LRP1B: variants seen among roughly 807,000 people sequenced by gnomAD.
LRP1B encodes the protein LDL receptor related protein 1B, also known as low-density lipoprotein receptor-related protein 1B.
In LRP1B, 217 loss-of-function variants were observed where a neutral mutation model predicts 556.6. The observed-to-expected ratio is 0.39, with a 90% CI of 0.35 to 0.44. LRP1B has a LOEUF of 0.44. Among genes scored for constraint, LRP1B ranks in the 20% least tolerant of loss-of-function variants. The pLI, the probability that LRP1B is intolerant of heterozygous loss-of-function variation, is 1.00. For synonymous variants in LRP1B, 2,047 were observed against 1,865.8 expected (o/e 1.10, Z -2.50); for missense variants, 5,053 against 5,620.8 (o/e 0.90, Z 3.23).
chr2:141,635,319 A>G (rs1689075736), intron 2 of LRP1B, among the ~76,000 whole-genome samples: 1 of 152,150 alleles, frequency 6.6e-6, no homozygotes, highest in Non-Finnish European at 1.5e-5. Context: ...CTAGAGATGG[A>G]ACACAACGGG....
rs1423675243 is a variant in LRP1B, at chr2:140,923,294, T to C, written c.3137-147A>G. 5.1e-6 allele frequency: 3 copies of C among 592,756 alleles called. No homozygotes were observed. The South Asian group carries it at 6.8e-5, about 13-fold the overall frequency. 36.7% of individuals were successfully genotyped at this position (592,756 alleles called of 1,614,324 possible). A position where few individuals can be genotyped will look rare whatever the true frequency, so the allele number is the denominator to read the frequency against. ...AGAGAGAATACATTTTTACTTTAGA[T>C]GGTTAATAAGTATAAATATACTCTA... On this transcript the variant is annotated intron_variant, in intron 20 of 90. Coordinates refer to ENST00000389484, the MANE Select transcript of LRP1B (RefSeq NM_018557.3).
At chr2:140,891,838 C>G (rs889710563) in intron 23 of LRP1B, among the ~76,000 whole-genome samples, 1 of 151,966 alleles carries the variant, frequency 6.6e-6, no homozygotes, top group African/African-American at 2.4e-5. Context: ...TTTTAAGAAC[C>G]AATTTTTTGT....
At chr2:141,115,818 TG>T in intron 7 of LRP1B, among the ~76,000 whole-genome samples, 1 of 152,180 alleles carries the variant, frequency 6.6e-6, no homozygotes, top group African/African-American at 2.4e-5. Flanking sequence ...GGGGTGTGGT[TG>T]GAAGGCTTAT....
At chr2:141,284,025 A>G (rs1038664235) in intron 3 of LRP1B, among the ~76,000 whole-genome samples, 3 of 152,152 alleles carry the variant, frequency 2.0e-5, no homozygotes, top group Non-Finnish European at 4.4e-5. Context: ...AGTTTTACAG[A>G]GTGCAATGTT....
chr2:141,706,438 C>A (rs1692140067), intron 2 of LRP1B, among the ~76,000 whole-genome samples: 1 of 152,040 alleles, frequency 6.6e-6, no homozygotes, highest in Non-Finnish European at 1.5e-5. Context: ...TGTGTTCAAT[C>A]AAATGCATTG....
chr2:140,768,837 A>T (rs1258914328), intron 35 of LRP1B, among the ~76,000 whole-genome samples: 1 of 151,948 alleles, frequency 6.6e-6, no homozygotes, highest in Non-Finnish European at 1.5e-5. Context: ...CACATCCTGA[A>T]TATATTTTAA....
At chr2:140,309,267 C>T (rs1456083831) in intron 83 of LRP1B, among the ~76,000 whole-genome samples, 2 of 151,792 alleles carry the variant, frequency 1.3e-5, no homozygotes, top group Non-Finnish European at 2.9e-5. Flanking sequence ...ATCTAGCTCC[C>T]TCCCAGGTAC....
At chr2:141,362,839 C>T (rs1288197747) in intron 3 of LRP1B, among the ~76,000 whole-genome samples, 1 of 150,274 alleles carries the variant, frequency 6.7e-6, no homozygotes, top group Admixed American at 6.6e-5. Flanking sequence ...AAAAACTTAA[C>T]GTAATGATGT....
At chr2:141,959,044 T>C (rs534851045) in intron 1 of LRP1B, among the ~76,000 whole-genome samples, 1 of 152,172 alleles carries the variant, frequency 6.6e-6, no homozygotes, top group South Asian at 2.1e-4. Context: ...CCTTACCATC[T>C]AACTTTAACA....
chr2:140,646,848 G>C (rs1210324623), intron 41 of LRP1B, among the ~76,000 whole-genome samples: 1 of 151,774 alleles, frequency 6.6e-6, no homozygotes, highest in Non-Finnish European at 1.5e-5. Flanking sequence ...GTATGTAATA[G>C]ACATATGTAC....
chr2:140,777,933 A>T (rs1204089149), intron 32 of LRP1B, among the ~76,000 whole-genome samples: 2 of 152,178 alleles, frequency 1.3e-5, no homozygotes, highest in Non-Finnish European at 2.9e-5. Context: ...AGTAAAAAAA[A>T]GATTAGTAGA....
intron 3 of LRP1B, among the ~76,000 whole-genome samples, chr2:141,326,449 G>A (rs935998012): frequency 5.9e-5 from 9 of 152,016 alleles, no homozygotes; most frequent in African/African-American, 2.2e-4. Flanking sequence ...GAAAGAAAGT[G>A]GAAATGATTA....
chr2:140,250,291 T>A (rs1681352471), intron 86 of LRP1B, among the ~76,000 whole-genome samples: 1 of 151,864 alleles, frequency 6.6e-6, no homozygotes, highest in Admixed American at 6.6e-5. Flanking sequence ...TGTAAATTAT[T>A]TAACGTTTTA....
chr2:141,963,400 G>A (rs1701462813), intron 1 of LRP1B, among the ~76,000 whole-genome samples: 1 of 151,872 alleles, frequency 6.6e-6, no homozygotes, highest in African/African-American at 2.4e-5. Flanking sequence ...CAGCAAGTAA[G>A]AAATTGGCTT....
intron 43 of LRP1B, among the ~76,000 whole-genome samples, chr2:140,578,818 A>C (rs1681641473): frequency 6.6e-6 from 1 of 152,060 alleles, no homozygotes; most frequent in Non-Finnish European, 1.5e-5. Flanking sequence ...ATTACTACCT[A>C]ACTAGCATTT....
chr2:141,139,750 A>C (rs1356042849), intron 7 of LRP1B, among the ~76,000 whole-genome samples: 2 of 150,976 alleles, frequency 1.3e-5, no homozygotes, highest in Non-Finnish European at 3.0e-5. Flanking sequence ...TACTGGTAGA[A>C]ATGTAAAAAA....
At chr2:141,824,599 C>T (rs1163649697) in intron 1 of LRP1B, among the ~76,000 whole-genome samples, 1 of 152,094 alleles carries the variant, frequency 6.6e-6, no homozygotes, top group Non-Finnish European at 1.5e-5. Flanking sequence ...GTGATCCTCC[C>T]GCCTTGGCCT....
chr2:140,681,724 C>T lies in LRP1B; in HGVS notation c.6799+18526G>A, dbSNP rs141579656. ...TACTACTTGGCAACTAATTGGGATT[C>T]TTTCTCCTCTATCATAGATATTAAA... On this transcript the variant is annotated intron_variant, in intron 41 of 90. Transcript: ENST00000389484. Among the ~76,000 whole-genome samples, 386 of 152,240 alleles carry T rather than the reference C, an allele frequency of 2.5e-3. 5 individuals carry two copies. Among genetic ancestry groups the T allele is most frequent in the African/African-American group, 8.8e-3 (367 of 41,558 alleles).
intron 1 of LRP1B, among the ~76,000 whole-genome samples, chr2:141,972,604 C>T (rs1208046694): frequency 2.0e-5 from 3 of 149,058 alleles, no homozygotes; most frequent in Admixed American, 6.7e-5. Flanking sequence ...AAAAAAAGTG[C>T]CTACAATTAA....
Sources: allele counts gnomAD v4.1 joint callset (sites outside exome capture counted in the v4.1 genomes callset), GRCh38; gene constraint gnomAD v4.1.1; transcripts MANE v1.5; gene names NCBI Gene and HGNC (gene_info 2026-07-23, HGNC 2026-07-21).